NAALAD2: variants seen among roughly 807,000 people sequenced by gnomAD.
NAALAD2 encodes N-acetylated-alpha-linked acidic dipeptidase 2.
In NAALAD2, 89 loss-of-function variants were observed where a neutral mutation model predicts 95.6. The observed-to-expected ratio is 0.93, with a 90% CI of 0.78 to 1.11. The LOEUF (loss-of-function observed/expected upper bound fraction) is 1.11. Among genes scored for constraint, NAALAD2 ranks in the 50% least tolerant of loss-of-function variants. NAALAD2 has a pLI of 0.00. For missense variants in NAALAD2, 894 were observed against 872.4 expected (o/e 1.02, Z -0.31); for synonymous variants, 264 against 294.4 (o/e 0.90, Z 1.06).
At chr11:90,174,984 T>A (rs559787855) in intron 14 of NAALAD2, among the ~76,000 whole-genome samples, 100 of 152,250 alleles carry the variant, frequency 6.6e-4, no homozygotes, top group African/African-American at 2.2e-3. Context: ...TAGGCTATGT[T>A]TATAAGATAC....
chr11:90,156,693 C>G (rs116021393), intron 6 of NAALAD2, among the ~76,000 whole-genome samples: 1,942 of 152,226 alleles, frequency 0.013, 45 homozygotes, highest in African/African-American at 0.045. Context: ...TCAAGTGATT[C>G]TCCTGCCCCA....
At chr11:90,163,104 G>C (rs1952342491) in intron 9 of NAALAD2, 70 bp downstream of exon 9, 1 of 1,288,868 alleles carries the variant, frequency 7.8e-7, no homozygotes, top group Non-Finnish European at 1.1e-6. Context: ...ATAAATTGTA[G>C]TCAACAATTG....
chr11:90,177,732 T>C (rs1164725362), intron 15 of NAALAD2, 121 bp from the exon 16 acceptor site: 5 of 1,009,864 alleles, frequency 5.0e-6, no homozygotes, highest in Non-Finnish European at 7.0e-6. Flanking sequence ...GGATTACAGA[T>C]GTGAGCCACC....
upstream of NAALAD2, chr11:90,131,761 G>A (rs1266958352): frequency 2.0e-5 from 3 of 152,136 alleles, no homozygotes; most frequent in South Asian, 2.1e-4. Context: ...TGCTATGATG[G>A]AGAAGAGGAG....
At position 90,139,113 on chromosome 11, in the gene NAALAD2, T is replaced by C. The variant is rs547769215; in HGVS notation, c.194+3443T>C. Among the ~76,000 whole-genome samples the C allele has an allele frequency of 2.0e-5, 3 of 152,206 alleles. No homozygotes were observed. In the South Asian group the frequency reaches 6.2e-4, roughly 32 times the overall value. On this transcript the variant is annotated intron_variant, in intron 2 of 18. Transcript: ENST00000534061. The stretch of plus-strand genomic sequence containing the variant: ...GGGTTTCTGGGTAGCCAGAGGTGTC[T>C]TCCAATACCAAAAGAATTTTAAAAG...
At chr11:90,153,895 A>G (rs1341549390) in intron 6 of NAALAD2, among the ~76,000 whole-genome samples, 2 of 152,146 alleles carry the variant, frequency 1.3e-5, no homozygotes, top group East Asian at 3.9e-4. Flanking sequence ...TTGGTCTTGT[A>G]TCCTGCAAAC....
At chr11:90,167,237 G>T (rs1952488139) in intron 11 of NAALAD2, among the ~76,000 whole-genome samples, 1 of 152,182 alleles carries the variant, frequency 6.6e-6, no homozygotes, top group Admixed American at 6.5e-5. Flanking sequence ...TTGCGGCCCA[G>T]CGAGAGTTCC....
chr11:90,150,204 G>A (rs565265898), intron 4 of NAALAD2, among the ~76,000 whole-genome samples: 146 of 151,604 alleles, frequency 9.6e-4, no homozygotes, highest in Middle Eastern at 6.8e-3. Flanking sequence ...GCAGTGAGCC[G>A]AGGGAGTGCT....
chr11:90,173,274 C>G (rs778195609), intron 13 of NAALAD2, among the ~76,000 whole-genome samples: 2 of 152,148 alleles, frequency 1.3e-5, no homozygotes, highest in East Asian at 3.9e-4. Flanking sequence ...AAAATTTTAA[C>G]TTTGTTTAAA....
rs927684011 is a variant in NAALAD2 at position 90,167,152 on chromosome 11, G to A, written c.1279-1777G>A. ...GGAGCCCCTTTCTGGGCTGGCCAAG[G>A]CTGGAGCCGGCTCCCTCAGCTTGCT... On this transcript the variant is annotated intron_variant, in intron 11 of 18. Transcript: ENST00000534061. 1.8e-3 allele frequency among the ~76,000 whole-genome samples: 271 copies of A among 152,304 alleles called. 2 individuals carry two copies. Among genetic ancestry groups the A allele is most frequent in the African/African-American group, 6.0e-3 (250 of 41,586 alleles).
At chr11:90,187,803 C>G (rs375742619) in intron 18 of NAALAD2, among the ~76,000 whole-genome samples, 1 of 152,062 alleles carries the variant, frequency 6.6e-6, no homozygotes, top group East Asian at 1.9e-4. Flanking sequence ...TAAAATTGTT[C>G]TACCATGTAG....
At chr11:90,138,497 G>A (rs774755062) in intron 2 of NAALAD2, among the ~76,000 whole-genome samples, 2 of 152,080 alleles carry the variant, frequency 1.3e-5, no homozygotes, top group African/African-American at 2.4e-5. Context: ...AGAAAGGACC[G>A]TGTTGTAAAA....
Position 90,147,408 on chromosome 11 carries a change from G to T in NAALAD2, c.273G>T (p.Lys91Asn). ...LLAKKIQTQW[K>N]KFGLDSAKLV... Reference sequence around the variant, plus strand: ...CCAAGAAAATCCAAACCCAGTGGAAGAAATTTGGACTAGATTCAGCCAAGT... The same window carrying T: ...CCAAGAAAATCCAAACCCAGTGGAATAAATTTGGACTAGATTCAGCCAAGT... The change falls in exon 3 of 19, where the codon AAG becomes AAT. Residue 91 changes from lysine to asparagine, a missense_variant. Lys to Asn is a moderately conservative substitution (Grantham distance 94). Transcript: ENST00000534061. The T allele has an allele frequency of 6.2e-7, 1 of 1,614,018 alleles. No homozygotes were observed. Among genetic ancestry groups the T allele is most frequent in the South Asian group, 1.1e-5 (1 of 91,058 alleles).
chr11:90,165,616 C>T (rs975964808), intron 11 of NAALAD2, among the ~76,000 whole-genome samples: 1 of 151,962 alleles, frequency 6.6e-6, no homozygotes, highest in Admixed American at 6.6e-5. Flanking sequence ...CTGGTATCAC[C>T]CTTTGTTGAT....
intron 14 of NAALAD2, among the ~76,000 whole-genome samples, 162 bp from the exon 15 acceptor site, chr11:90,175,810 A>G (rs1403770065): frequency 6.6e-6 from 1 of 152,166 alleles, no homozygotes; most frequent in Non-Finnish European, 1.5e-5. Context: ...TTATGGGAAA[A>G]TGTCTTGATG....
chr11:90,134,812 G>T lies in NAALAD2; in HGVS notation c.54G>T (p.Leu18=), dbSNP rs780037775. 8.7e-6 allele frequency: 14 copies of T among 1,614,148 alleles called. No homozygotes were observed. Among genetic ancestry groups the T allele is most frequent in the Non-Finnish European group, 1.1e-5 (13 of 1,180,028 alleles). The change falls in exon 1 of 19, where the codon CTG becomes CTT. Residue 18 remains leucine, a synonymous_variant. Transcript: ENST00000534061. ...LYLWMCLAAA[L]ASFLMGFMVG... Reference sequence around the variant, plus strand: ...TTTGGATGTGCTTGGCTGCTGCGCTGGCATCTTTCCTGATGGGATTTATGG... The same window carrying T: ...TTTGGATGTGCTTGGCTGCTGCGCTTGCATCTTTCCTGATGGGATTTATGG...
rs376610638 is a variant in NAALAD2 at position 90,158,171 on chromosome 11, G to A, written c.823G>A (p.Glu275Lys). ...ATACACTTTCAGACTTGATGTTGAA[G>A]AAGGAGTGGGAATCCCCCGAATACC... Reference protein sequence around the residue: ...KEYTFRLDVEEGVGIPRIPVH... With the variant: ...KEYTFRLDVEKGVGIPRIPVH... Residue 275 changes from glutamate to lysine, a missense_variant, in exon 7 of 19, where the codon GAA (glutamate) becomes AAA (lysine). Transcript: ENST00000534061. 5.0e-6 allele frequency: 8 copies of A among 1,608,510 alleles called. No homozygotes were observed. The highest frequency in any genetic ancestry group is 3.4e-5 in the Admixed American group (2 of 59,384).
intron 17 of NAALAD2, among the ~76,000 whole-genome samples, chr11:90,182,272 T>G (rs2134983808): frequency 6.6e-6 from 1 of 152,228 alleles, no homozygotes; most frequent in South Asian, 2.1e-4. Flanking sequence ...CATAAATTTA[T>G]CCACAGATGT....
intron 13 of NAALAD2, among the ~76,000 whole-genome samples, chr11:90,171,574 TG>T (rs1239036393): frequency 5.9e-5 from 9 of 152,176 alleles, no homozygotes; most frequent in Non-Finnish European, 4.4e-5. Context: ...ATTTGGTGGT[TG>T]ATAAGGGAGA....
Sources: gnomAD v4.1 joint callset for allele counts (sites outside exome capture counted in the v4.1 genomes callset) on GRCh38, gnomAD v4.1.1 for gene constraint, MANE v1.5 for transcripts, NCBI Gene and HGNC (gene_info 2026-07-23, HGNC 2026-07-21) for gene names.